ATP6V0A4: variants seen among roughly 807,000 people sequenced by gnomAD.
The protein encoded by ATP6V0A4 is V-type proton ATPase 116 kDa subunit a 4.
A neutral mutation model predicts 107.3 loss-of-function variants in ATP6V0A4; 86 were observed. The ratio of observed to expected loss-of-function variants is 0.80; its 90% CI spans 0.67 to 0.96. The LOEUF (loss-of-function observed/expected upper bound fraction) is 0.96, where lower values mean the gene tolerates loss of function less well. ATP6V0A4 is among the 40% of genes least tolerant of loss of function. ATP6V0A4 has a pLI of 0.00. For missense variants in ATP6V0A4, 908 were observed against 1,045.6 expected (o/e 0.87, Z 1.81); for synonymous variants, 353 against 381.4 (o/e 0.93, Z 0.87).
At chr7:138,750,812 G>A (rs1806185511) in intron 11 of ATP6V0A4, among the ~76,000 whole-genome samples, 1 of 152,152 alleles carries the variant, frequency 6.6e-6, no homozygotes, top group South Asian at 2.1e-4. Flanking sequence ...CATGATGTGG[G>A]GGCATCGACT....
Position 138,762,231 on chromosome 7 carries a change from A to G in ATP6V0A4, c.512+109T>C. The G allele has an allele frequency of 5.7e-6, 8 of 1,395,810 alleles. No individual in the cohort carries two copies. In the East Asian group the frequency reaches 9.3e-5, roughly 16 times the overall value. The allele number at this position is 1,395,810 out of a possible 1,614,324, so 86.5% of individuals were successfully genotyped here. A position where few individuals can be genotyped will look rare whatever the true frequency, so the allele number is the denominator to read the frequency against. Reference sequence around the variant, plus strand: ...ATCGCTTGGCAGAGGCTTTGCATCCATGGGAAACAGTCCCCATTCCAATGG... The same window carrying G: ...ATCGCTTGGCAGAGGCTTTGCATCCGTGGGAAACAGTCCCCATTCCAATGG... On this transcript the variant is annotated intron_variant, in intron 7 of 21. Coordinates refer to ENST00000310018, the MANE Select transcript of ATP6V0A4 (RefSeq NM_020632.3).
chr7:138,709,868 T>C, intron 20 of ATP6V0A4, 73 bp from the exon 21 acceptor site: 2 of 1,490,918 alleles, frequency 1.3e-6, no homozygotes, highest in Non-Finnish European at 1.8e-6. Context: ...TCTCATCTTT[T>C]TAATTAAAAA....
Position 138,709,641 on chromosome 7 carries a change from G to A in ATP6V0A4, c.2412C>T (p.His804=), listed in dbSNP as rs372230422. 6.7e-5 allele frequency: 108 copies of A among 1,612,698 alleles called. No individual in the cohort carries two copies. The East Asian group carries it at 1.0e-3, about 15-fold the overall frequency. The change falls in exon 21 of 22, where the codon CAC becomes CAT. Residue 804 remains histidine, a synonymous_variant. Transcript: ENST00000310018. The stretch of plus-strand genomic sequence containing the variant: ...ATCCTTACCAGTGCAGTCGCAGGGC[G>A]TGCAGGAAAGCAGAGAGGCCCTCCA... ...LIMEGLSAFL[H]ALRLHWVEFQ... is the part of the protein sequence containing the mutation.
At chr7:138,752,050 T>C (rs1213463502) in intron 11 of ATP6V0A4, among the ~76,000 whole-genome samples, 2 of 151,948 alleles carry the variant, frequency 1.3e-5, no homozygotes, top group African/African-American at 4.8e-5. Context: ...CCCAAAACGA[T>C]AGTCTAGCTG....
At chr7:138,772,206 T>C (rs1324440684) in intron 2 of ATP6V0A4, among the ~76,000 whole-genome samples, 1 of 152,224 alleles carries the variant, frequency 6.6e-6, no homozygotes, top group African/African-American at 2.4e-5. Flanking sequence ...AAATCTTATA[T>C]CCCTCATACC....
Position 138,706,737 on chromosome 7 carries a change from G to T in ATP6V0A4, c.2430-20C>A. 1 of 1,612,156 alleles carries T rather than the reference G, an allele frequency of 6.2e-7. No individual in the cohort carries two copies. Among genetic ancestry groups the T allele is most frequent in the South Asian group, 1.1e-5 (1 of 91,038 alleles). ...TCAACCCTGTTGTTGAGGGGAGGCCGTGGGGTAAGAAATGGGAGATTGAAA... is the reference window on the plus strand; with the variant it reads ...TCAACCCTGTTGTTGAGGGGAGGCCTTGGGGTAAGAAATGGGAGATTGAAA... On this transcript the variant is annotated intron_variant, in intron 21 of 21. Transcript: ENST00000310018.
intron 2 of ATP6V0A4, among the ~76,000 whole-genome samples, chr7:138,781,648 C>G (rs556015062): frequency 1.3e-5 from 2 of 151,236 alleles, no homozygotes. Context: ...ATTTTCTATA[C>G]AGGCAATGAA....
intron 13 of ATP6V0A4, among the ~76,000 whole-genome samples, chr7:138,746,290 A>G (rs1805948988): frequency 6.6e-6 from 1 of 151,722 alleles, no homozygotes; most frequent in African/African-American, 2.4e-5. Context: ...GTCTGCTGAG[A>G]AGAATAAAGT....
intron 15 of ATP6V0A4, among the ~76,000 whole-genome samples, chr7:138,738,886 G>A (rs940390064): frequency 5.9e-5 from 9 of 152,152 alleles, no homozygotes; most frequent in African/African-American, 2.2e-4. Flanking sequence ...GACTACTCAC[G>A]CTCATTTGGA....
intron 6 of ATP6V0A4, 28 bp downstream of exon 6, chr7:138,762,872 C>T (rs1179620850): frequency 1.2e-6 from 2 of 1,612,546 alleles, no homozygotes; most frequent in Non-Finnish European, 8.5e-7. Context: ...GGAACGGGCC[C>T]TTTAGTAACT....
chr7:138,733,572 C>CTTTT lies in ATP6V0A4; in HGVS notation c.1692-483_1692-480dup, dbSNP rs3080537. On this transcript the variant is annotated intron_variant, in intron 16 of 21. Coordinates refer to ENST00000310018, the MANE Select transcript of ATP6V0A4 (RefSeq NM_020632.3). ...AGCCTGGAAGTTAAGAATGGTTTCT[C>CTTTT]TTTTTTTTTTTTTTTTTTTTTTTTG... Among the ~76,000 whole-genome samples, 107 of 87,060 alleles carry CTTTT rather than the reference C, an allele frequency of 1.2e-3. 1 individual carries two copies. The highest frequency in any genetic ancestry group is 3.9e-3 in the African/African-American group (89 of 23,062). The allele number at this position is 87,060 out of a possible 152,430, so 57.1% of individuals were successfully genotyped here. A position where few individuals can be genotyped will look rare whatever the true frequency, so the allele number is the denominator to read the frequency against.
intron 15 of ATP6V0A4, among the ~76,000 whole-genome samples, chr7:138,737,630 G>T (rs1805413781): frequency 6.8e-6 from 1 of 146,422 alleles, no homozygotes. Flanking sequence ...CACCCAAGCT[G>T]GAGTGCAGTG....
At chr7:138,740,246 CA>C (rs1016866137) in intron 14 of ATP6V0A4, among the ~76,000 whole-genome samples, 1 of 151,982 alleles carries the variant, frequency 6.6e-6, no homozygotes, top group African/African-American at 2.4e-5. Flanking sequence ...AGCCCAGGGA[CA>C]TGCTTGGGAA....
At chr7:138,789,068 T>C (rs952896354) in intron 1 of ATP6V0A4, among the ~76,000 whole-genome samples, 3 of 152,192 alleles carry the variant, frequency 2.0e-5, no homozygotes, top group East Asian at 1.9e-4. Flanking sequence ...AATCCGATGT[T>C]ATATCTGTGT....
intron 2 of ATP6V0A4, among the ~76,000 whole-genome samples, chr7:138,776,873 G>T (rs545452994): frequency 1.3e-5 from 2 of 152,122 alleles, no homozygotes; most frequent in South Asian, 4.1e-4. Flanking sequence ...TAGGCTGGAC[G>T]CGGTGGCTCA....
chr7:138,742,891 A>C (rs1363027189), intron 14 of ATP6V0A4, among the ~76,000 whole-genome samples: 1 of 87,386 alleles, frequency 1.1e-5, no homozygotes, highest in Non-Finnish European at 2.1e-5. Context: ...TAGAATACTA[A>C]TTGCAAAGCA....
In ATP6V0A4 at chr7:138,729,740, A is replaced by G. The variant is rs563711150; in HGVS notation, c.1909-878T>C. On this transcript the variant is annotated intron_variant, in intron 17 of 21. Transcript: ENST00000310018. Reference sequence around the variant, plus strand: ...AGAGCACGGTGCTGGAAGGAAATAGAAAAACATTTCTTGAGCCTTCACGTT... The same window carrying G: ...AGAGCACGGTGCTGGAAGGAAATAGGAAAACATTTCTTGAGCCTTCACGTT... Among the ~76,000 whole-genome samples the G allele has an allele frequency of 5.3e-5, 8 of 152,334 alleles. No individual in the cohort carries two copies. The East Asian group carries it at 1.5e-3, about 29-fold the overall frequency.
chr7:138,781,607 G>A (rs990796362), intron 2 of ATP6V0A4, among the ~76,000 whole-genome samples: 2 of 152,146 alleles, frequency 1.3e-5, no homozygotes, highest in African/African-American at 2.4e-5. Flanking sequence ...TGGGATTACA[G>A]GTGTGAGCCA....
intron 19 of ATP6V0A4, among the ~76,000 whole-genome samples, chr7:138,721,060 C>T (rs1028586221): frequency 6.6e-6 from 1 of 152,178 alleles, no homozygotes; most frequent in African/African-American, 2.4e-5. Context: ...GTTAAAGCCT[C>T]CAGCTTGGGA....
Sources: allele counts gnomAD v4.1 joint callset (sites outside exome capture counted in the v4.1 genomes callset), GRCh38; gene constraint gnomAD v4.1.1; transcripts MANE v1.5; gene names NCBI Gene and HGNC (gene_info 2026-07-23, HGNC 2026-07-21).